CRACD: variants seen among roughly 807,000 people sequenced by gnomAD.
The protein encoded by CRACD is capping protein inhibiting regulator of actin dynamics, also known as capping protein-inhibiting regulator of actin dynamics.
In CRACD, 56 loss-of-function variants were observed where a neutral mutation model predicts 106.8. That is an observed-to-expected ratio of 0.52 (90% CI 0.42 to 0.66). The LOEUF (loss-of-function observed/expected upper bound fraction) is 0.66, where lower values mean the gene tolerates loss of function less well. Among genes scored for constraint, CRACD ranks in the 30% least tolerant of loss-of-function variants. CRACD has a pLI of 0.00. For missense variants in CRACD, 1,730 were observed against 1,623.2 expected, an observed-to-expected ratio of 1.07 and a Z score of -1.13; for synonymous variants, 754 against 670.8, an observed-to-expected ratio of 1.12 and a Z score of -1.92.
At chr4:56,170,326 G>C (rs3822002) in intron 1 of CRACD, 9,663 of 152,350 alleles carry the variant, frequency 0.063, 733 homozygotes, top group East Asian at 0.42. Context: ...TGGGAACCAT[G>C]AATCACAGTG....
At position 56,210,343 on chromosome 4, in the gene CRACD, C is replaced by G. The variant is rs139424750; in HGVS notation, c.-189+30913C>G. 3.3e-4 allele frequency among the ~76,000 whole-genome samples: 50 copies of G among 152,256 alleles called. No homozygotes were observed. The Middle Eastern group carries it at 0.014, about 41-fold the overall frequency. On this transcript the variant is annotated intron_variant, in intron 2 of 10. Coordinates refer to ENST00000682029, the MANE Select transcript of CRACD (RefSeq NM_001393381.1). The stretch of plus-strand genomic sequence containing the variant: ...TCCTGTTTTAGCAACAATTTAAAAA[C>G]TAGCTATATTTACCACATATAATCA...
At chr4:56,207,264 T>A (rs765507664) in intron 2 of CRACD, among the ~76,000 whole-genome samples, 2 of 152,222 alleles carry the variant, frequency 1.3e-5, no homozygotes, top group Non-Finnish European at 2.9e-5. Flanking sequence ...TTCTATTATT[T>A]AGCACAACTT....
At chr4:56,136,312 G>A (rs1186460125) in intron 1 of CRACD, among the ~76,000 whole-genome samples, 1 of 152,136 alleles carries the variant, frequency 6.6e-6, no homozygotes. Context: ...GTAGGTGTAT[G>A]TTTAAGGTTT....
chr4:56,327,562 G>A (rs1746530899), intron 10 of CRACD, 82 bp from the exon 11 acceptor site: 1 of 1,225,434 alleles, frequency 8.2e-7, no homozygotes, highest in Admixed American at 2.0e-5. Context: ...TAAATACATA[G>A]TTTATCATCT....
At chr4:56,308,514 GGCTCTGCCTATCAA>G (rs1413309709) in intron 5 of CRACD, among the ~76,000 whole-genome samples, 6 of 152,030 alleles carry the variant, frequency 3.9e-5, no homozygotes, top group African/African-American at 1.2e-4. Context: ...CCATTCTCTA[GGCTCTGCCTATCAA>G]GACCCCTGGA....
chr4:56,310,805 T>G, intron 6 of CRACD, 71 bp downstream of exon 6: 1 of 902,862 alleles, frequency 1.1e-6, no homozygotes, highest in Non-Finnish European at 1.7e-6. Flanking sequence ...CCCCTTTTTT[T>G]TTTTTGCGAC....
intron 1 of CRACD, among the ~76,000 whole-genome samples, chr4:56,086,352 A>G (rs1733218962): frequency 6.6e-6 from 1 of 152,120 alleles, no homozygotes; most frequent in African/African-American, 2.4e-5. Flanking sequence ...ATCATGGCTC[A>G]TTACAGCCTT....
rs773170424 is a variant in CRACD, at chr4:56,259,542, A to G, written c.-188-12779A>G. Among the ~76,000 whole-genome samples the G allele has an allele frequency of 1.2e-4, 19 of 152,342 alleles. 1 individual carries two copies. The highest frequency in any genetic ancestry group is 2.1e-4 in the Non-Finnish European group (14 of 68,038). Reference sequence around the variant, plus strand: ...AAAAGAAAAGAAGTTATTTAAAAACATAACTCATTCTCTTTCTCTTAGAAA... The same window carrying G: ...AAAAGAAAAGAAGTTATTTAAAAACGTAACTCATTCTCTTTCTCTTAGAAA... On this transcript the variant is annotated intron_variant, in intron 2 of 10. Transcript: ENST00000682029.
chr4:56,223,305 G>A (rs1739144075), intron 2 of CRACD, among the ~76,000 whole-genome samples: 1 of 151,636 alleles, frequency 6.6e-6, no homozygotes, highest in South Asian at 2.1e-4. Context: ...GCATCCCTGT[G>A]GTGTACTTTA....
At chr4:56,305,402 G>C (rs1437589058) in intron 4 of CRACD, among the ~76,000 whole-genome samples, 1 of 152,098 alleles carries the variant, frequency 6.6e-6, no homozygotes, top group African/African-American at 2.4e-5. Context: ...CCATTCTTCT[G>C]CACAGGTCCC....
chr4:56,131,584 C>T (rs1249247207), intron 1 of CRACD, among the ~76,000 whole-genome samples: 2 of 152,118 alleles, frequency 1.3e-5, no homozygotes, highest in African/African-American at 4.8e-5. Flanking sequence ...AACAGCAATC[C>T]CAGGGGATTC....
At chr4:56,056,121 C>T (rs765843535) in intron 1 of CRACD, among the ~76,000 whole-genome samples, 2 of 152,090 alleles carry the variant, frequency 1.3e-5, no homozygotes, top group African/African-American at 2.4e-5. Flanking sequence ...ATACTTTGTT[C>T]TGAGTATTCT....
At chr4:56,082,676 G>T (rs905447125) in intron 1 of CRACD, among the ~76,000 whole-genome samples, 5 of 152,136 alleles carry the variant, frequency 3.3e-5, no homozygotes, top group African/African-American at 9.7e-5. Context: ...GGTGAACTTT[G>T]AAGAAAGGAT....
chr4:56,091,770 A>G (rs1196892262), intron 1 of CRACD, among the ~76,000 whole-genome samples: 4 of 152,204 alleles, frequency 2.6e-5, no homozygotes, highest in Non-Finnish European at 4.4e-5. Context: ...TTCTATGGAA[A>G]ATGCATTTCC....
At chr4:56,215,661 A>G (rs913164521) in intron 2 of CRACD, among the ~76,000 whole-genome samples, 1 of 152,180 alleles carries the variant, frequency 6.6e-6, no homozygotes, top group Non-Finnish European at 1.5e-5. Context: ...ACAGCATAAT[A>G]GATATTTGTT....
chr4:56,306,735 G>T (rs59709472), intron 4 of CRACD, among the ~76,000 whole-genome samples: 3,701 of 152,032 alleles, frequency 0.024, 141 homozygotes, highest in African/African-American at 0.085. Flanking sequence ...TTAATCTTCC[G>T]AATTTCTACC....
chr4:56,155,461 T>C (rs1244024733), intron 1 of CRACD, among the ~76,000 whole-genome samples: 2 of 152,224 alleles, frequency 1.3e-5, no homozygotes, highest in Non-Finnish European at 2.9e-5. Flanking sequence ...GGAAGGAGAC[T>C]GAGTATTTGG....
At chr4:56,072,453 TC>T (rs1279456165) in intron 1 of CRACD, among the ~76,000 whole-genome samples, 4 of 152,172 alleles carry the variant, frequency 2.6e-5, no homozygotes, top group Non-Finnish European at 4.4e-5. Flanking sequence ...CTTCTACTTT[TC>T]TCCTTTCAAA....
At chr4:56,107,890 C>T (rs551902289) in intron 1 of CRACD, among the ~76,000 whole-genome samples, 2 of 152,302 alleles carry the variant, frequency 1.3e-5, no homozygotes, top group African/African-American at 2.4e-5. Context: ...ATTAGGCCAT[C>T]GCTAGTTGCT....
Sources: allele counts gnomAD v4.1 joint callset (sites outside exome capture counted in the v4.1 genomes callset), GRCh38; gene constraint gnomAD v4.1.1; transcripts MANE v1.5; gene names NCBI Gene and HGNC (gene_info 2026-07-23, HGNC 2026-07-21).